MACF1: variants seen among roughly 807,000 people sequenced by gnomAD.
MACF1 encodes the protein microtubule actin crosslinking factor 1, also known as microtubule-actin cross-linking factor 1.
Under a neutral mutation model 854.8 loss-of-function variants are expected in MACF1, and 193 were observed. The ratio of observed to expected loss-of-function variants is 0.23; its 90% CI spans 0.20 to 0.25. The LOEUF is 0.25. MACF1 is among the 10% of genes least tolerant of loss of function. The probability of loss-of-function intolerance (pLI) is 1.00; values close to 1 mark genes in which losing one functional copy is unlikely to be tolerated. For missense variants in MACF1, 7,722 were observed against 8,929.1 expected (o/e 0.86, Z 5.45); for synonymous variants, 3,185 against 3,226.7 (o/e 0.99, Z 0.44).
Position 39,353,027 on chromosome 1 carries a change from G to C in MACF1, c.11220G>C (p.Leu3740=). 1 of 1,613,756 alleles carries C rather than the reference G, an allele frequency of 6.2e-7. No individual in the cohort carries two copies. Among genetic ancestry groups the C allele is most frequent in the Non-Finnish European group, 8.5e-7 (1 of 1,179,706 alleles). The change falls in exon 44 of 101, where the codon CTG becomes CTC. Residue 3740 remains leucine, a synonymous_variant. Transcript: ENST00000564288. ...TTCAGAGTAAAGCAGCAAAGGAACT[G>C]GCAGAGAACAAGAAGAAGATCGATG... The part of the protein sequence containing the change: ...ETEKSKAAKE[L]AENKKKIDAL...
intron 2 of MACF1, among the ~76,000 whole-genome samples, chr1:39,113,086 C>A (rs1364966747): frequency 2.0e-5 from 3 of 152,156 alleles, no homozygotes; most frequent in Admixed American, 2.0e-4. Context: ...ATTTACATAA[C>A]CTCTTCATTA....
rs1643838375 is a variant in MACF1 at position 39,429,742 on chromosome 1, A to G, written c.16889-85A>G. On this transcript the variant is annotated intron_variant, in intron 64 of 100. Coordinates refer to ENST00000564288, the MANE Select transcript of MACF1 (RefSeq NM_001394062.1). ...AGAGAGAGAGAGCGTCTATGAAATT[A>G]AAGCTCTGATTTGAAGAAAGGGGAT... 3.9e-6 allele frequency: 5 copies of G among 1,296,410 alleles called. No individual in the cohort carries two copies. The South Asian group carries it at 4.0e-5, about 10-fold the overall frequency. 80.3% of individuals were successfully genotyped at this position (1,296,410 alleles called of 1,614,324 possible).
At chr1:39,223,199 G>T (rs999976981) in intron 1 of MACF1, among the ~76,000 whole-genome samples, 2 of 152,188 alleles carry the variant, frequency 1.3e-5, no homozygotes, top group Admixed American at 6.5e-5. Flanking sequence ...TGCCCCATTT[G>T]CAGGAAATTT....
Position 39,424,188 on chromosome 1 carries a change from C to G in MACF1, c.16310C>G (p.Ala5437Gly). 6.2e-7 allele frequency: 1 copy of G among 1,612,754 alleles called. No homozygotes were observed. Among genetic ancestry groups the G allele is most frequent in the South Asian group, 1.1e-5 (1 of 90,912 alleles). ...TGGACTGAACTACTCAGTAAGGCAG[C>G]AGCCAGGTAAGATCAAAGGAATTTT... Reference protein sequence around the residue: ...SRWTELLSKAAARQKQLEDIL... With the variant: ...SRWTELLSKAGARQKQLEDIL... The change falls in exon 61 of 101, where the codon GCA becomes GGA. Residue 5437 changes from alanine to glycine, a missense_variant. By Grantham distance (60) the Ala-to-Gly change is moderately conservative (BLOSUM62 0). Around this residue, in one of 15 missense-constraint regions of MACF1, gnomAD observed 2,807 missense variants for 3,235.8 expected, o/e 0.87. Coordinates refer to ENST00000564288, the MANE Select transcript of MACF1 (RefSeq NM_001394062.1).
Position 39,322,725 on chromosome 1 carries a change from T to TG in MACF1, c.4137+15dup. 1 of 1,612,840 alleles carries TG rather than the reference T, an allele frequency of 6.2e-7. No individual in the cohort carries two copies. Among genetic ancestry groups the TG allele is most frequent in the South Asian group, 1.1e-5 (1 of 91,048 alleles). ...TGCCATCACTCAAGAGGTGAGAGGG[T>TG]GGGGGAAGGAAATACACCACTGTCT... On this transcript the variant is annotated intron_variant, in intron 32 of 100. Coordinates refer to ENST00000564288, the MANE Select transcript of MACF1 (RefSeq NM_001394062.1).
chr1:39,092,022 A>G (rs1025948155), intron 2 of MACF1, among the ~76,000 whole-genome samples: 2 of 152,218 alleles, frequency 1.3e-5, no homozygotes, highest in Admixed American at 6.5e-5. Context: ...CTACGTTGCA[A>G]GTCCAAAGAG....
chr1:39,282,514 T>G, intron 7 of MACF1, 140 bp downstream of exon 7: 1 of 1,027,730 alleles, frequency 9.7e-7, no homozygotes, highest in Non-Finnish European at 1.4e-6. Flanking sequence ...AAACATTTAT[T>G]TAACTACTTT....
At chr1:39,260,027 C>G (rs567986946) in intron 6 of MACF1, among the ~76,000 whole-genome samples, 2 of 152,260 alleles carry the variant, frequency 1.3e-5, no homozygotes, top group Admixed American at 1.3e-4. Context: ...AATAATAGTT[C>G]CTTTGTTCAC....
chr1:39,447,398 C>G, intron 80 of MACF1, 34 bp from the exon 81 acceptor site: 1 of 1,600,626 alleles, frequency 6.2e-7, no homozygotes. Flanking sequence ...GGCGCTTTTT[C>G]TTTCTGTGTG....
Position 39,204,934 on chromosome 1 carries a change from A to G in MACF1, c.-89A>G. ...CGGCCTCTGCCTCTGCTGATAGTAC[A>G]GGACAACAGTAACCTCAGGAGAAAG... is the stretch of plus-strand genomic sequence containing the variant. On this transcript the variant is annotated 5_prime_UTR_variant, in exon 1 of 101. Coordinates refer to ENST00000564288, the MANE Select transcript of MACF1 (RefSeq NM_001394062.1). 2 of 684,086 alleles carry G rather than the reference A, an allele frequency of 2.9e-6. No homozygotes were observed. Among genetic ancestry groups the G allele is most frequent in the Non-Finnish European group, 5.3e-6 (2 of 375,786 alleles). 42.4% of individuals were successfully genotyped at this position (684,086 alleles called of 1,614,324 possible).
chr1:39,326,874 T>C (rs1646624976), intron 35 of MACF1, among the ~76,000 whole-genome samples: 1 of 152,130 alleles, frequency 6.6e-6, no homozygotes, highest in South Asian at 2.1e-4. Flanking sequence ...AAGATAAAAC[T>C]GAAAGGTAGA....
At chr1:39,239,047 C>CG (rs1644891309) in intron 2 of MACF1, among the ~76,000 whole-genome samples, 1 of 152,010 alleles carries the variant, frequency 6.6e-6, no homozygotes, top group Non-Finnish European at 1.5e-5. Flanking sequence ...TCTGGGAGAC[C>CG]GAGGGGGTGG....
chr1:39,231,499 A>G (rs763122871), intron 2 of MACF1, among the ~76,000 whole-genome samples: 2 of 152,138 alleles, frequency 1.3e-5, no homozygotes, highest in Non-Finnish European at 2.9e-5. Flanking sequence ...TACAGGCATG[A>G]GCCACCATGC....
intron 6 of MACF1, among the ~76,000 whole-genome samples, chr1:39,280,110 G>A (rs560646525): frequency 3.3e-5 from 5 of 152,066 alleles, no homozygotes; most frequent in Admixed American, 2.6e-4. Context: ...CTAGGCGGGA[G>A]TGGTCTCGAA....
chr1:39,228,241 G>A (rs1456025804), intron 1 of MACF1, among the ~76,000 whole-genome samples: 1 of 152,042 alleles, frequency 6.6e-6, no homozygotes, highest in Non-Finnish European at 1.5e-5. Context: ...AACCCAGGGG[G>A]CAGAGTTGCA....
At chr1:39,116,418 GTA>G (rs1344273870) in intron 2 of MACF1, among the ~76,000 whole-genome samples, 1 of 151,958 alleles carries the variant, frequency 6.6e-6, no homozygotes, top group African/African-American at 2.4e-5. Context: ...GTGTGTGTGT[GTA>G]TGTGTGTGTG....
chr1:39,393,883 AAAG>A (rs150761279), intron 58 of MACF1, among the ~76,000 whole-genome samples: 20,057 of 151,084 alleles, frequency 0.13, 2,627 homozygotes, highest in African/African-American at 0.34. Flanking sequence ...GAGAGAAAGA[AAAG>A]AAAGGAAGGA....
chr1:39,137,414 G>A (rs538266299), intron 2 of MACF1, among the ~76,000 whole-genome samples: 4 of 152,334 alleles, frequency 2.6e-5, no homozygotes, highest in African/African-American at 7.2e-5. Flanking sequence ...GTCGCACAGA[G>A]TGGAGTGCAG....
At chr1:39,450,704 C>G (rs1004987463) in intron 84 of MACF1, among the ~76,000 whole-genome samples, 1 of 151,166 alleles carries the variant, frequency 6.6e-6, no homozygotes, top group African/African-American at 2.4e-5. Context: ...CTCTGCCTCC[C>G]GGGTTCGCGC....
Sources: allele counts gnomAD v4.1 joint callset (sites outside exome capture counted in the v4.1 genomes callset), GRCh38; gene constraint gnomAD v4.1.1; regional missense constraint gnomAD v4.1.1; transcripts MANE v1.5; gene names NCBI Gene and HGNC (gene_info 2026-07-23, HGNC 2026-07-21).